The following RHOBTB3 variants were observed in gnomAD, a reference collection of about 807,000 sequenced individuals.
RHOBTB3 encodes the protein rho-related BTB domain-containing protein 3.
RHOBTB3 carries 47 observed loss-of-function variants against 67.2 expected under a neutral mutation model. That is an observed-to-expected ratio of 0.70 (90% CI 0.55 to 0.89). The LOEUF (loss-of-function observed/expected upper bound fraction) is 0.89. RHOBTB3 is among the 40% of genes least tolerant of loss of function. The pLI, the probability that RHOBTB3 is intolerant of heterozygous loss-of-function variation, is 0.00. For missense variants in RHOBTB3, 631 were observed against 750.0 expected (o/e 0.84, Z 1.85); for synonymous variants, 273 against 274.2 (o/e 1.00, Z 0.04).
At chr5:95,788,190 T>A (rs1746277162) in intron 10 of RHOBTB3, among the ~76,000 whole-genome samples, 1 of 152,244 alleles carries the variant, frequency 6.6e-6, no homozygotes, top group Non-Finnish European at 1.5e-5. Context: ...TTCCCTCCAT[T>A]AGCAGCTATT....
intron 2 of RHOBTB3, among the ~76,000 whole-genome samples, chr5:95,734,408 C>T (rs3948565): frequency 6.6e-6 from 1 of 151,960 alleles, no homozygotes; most frequent in Non-Finnish European, 1.5e-5. Context: ...ATTTGATTTT[C>T]TTCATAATTC....
intron 8 of RHOBTB3, chr5:95,768,980 C>G (rs1274390233): frequency 5.1e-6 from 1 of 196,510 alleles, no homozygotes; most frequent in Non-Finnish European, 1.1e-5. Context: ...TGCACAAGCT[C>G]TGCCGCTGCC....
chr5:95,761,079 T>C (rs1476103829), intron 6 of RHOBTB3, among the ~76,000 whole-genome samples: 5 of 152,342 alleles, frequency 3.3e-5, no homozygotes, highest in Admixed American at 2.6e-4. Flanking sequence ...ATTCCATCTA[T>C]TTAGATTATT....
At chr5:95,728,199 T>A, upstream of RHOBTB3, among the ~76,000 whole-genome samples, 1 of 152,218 alleles carries the variant, frequency 6.6e-6, no homozygotes, top group East Asian at 1.9e-4. Flanking sequence ...ACTCAATTTG[T>A]AGCTTAAGTA....
At chr5:95,745,003 G>C (rs146276803) in intron 3 of RHOBTB3, among the ~76,000 whole-genome samples, 8 of 152,144 alleles carry the variant, frequency 5.3e-5, no homozygotes, top group Non-Finnish European at 1.0e-4. Flanking sequence ...CCTGGGGGAG[G>C]CAGAGGTTGA....
At chr5:95,763,301 G>A (rs1745443757) in intron 6 of RHOBTB3, among the ~76,000 whole-genome samples, 1 of 152,176 alleles carries the variant, frequency 6.6e-6, no homozygotes, top group South Asian at 2.1e-4. Context: ...GAAGACTTCA[G>A]ATTTTGAGAA....
chr5:95,756,891 T>G (rs1426327092), intron 6 of RHOBTB3, among the ~76,000 whole-genome samples: 2 of 152,252 alleles, frequency 1.3e-5, no homozygotes, highest in East Asian at 1.9e-4. Flanking sequence ...ATGTGAGAAT[T>G]TATTGTCCAA....
At chr5:95,746,037 G>C (rs1744904613) in intron 3 of RHOBTB3, among the ~76,000 whole-genome samples, 1 of 152,138 alleles carries the variant, frequency 6.6e-6, no homozygotes, top group Admixed American at 6.5e-5. Flanking sequence ...TGGCAACACA[G>C]TTACAGCATA....
chr5:95,721,242 A>C (rs1003364679), intron 1 of RHOBTB3, among the ~76,000 whole-genome samples: 8 of 152,186 alleles, frequency 5.3e-5, no homozygotes, highest in African/African-American at 1.9e-4. Flanking sequence ...GAAGTTTGAA[A>C]AGCTCTGCTT....
At chr5:95,775,253 C>T (rs1319748617) in intron 8 of RHOBTB3, among the ~76,000 whole-genome samples, 1 of 151,892 alleles carries the variant, frequency 6.6e-6, no homozygotes, top group Non-Finnish European at 1.5e-5. Flanking sequence ...CCAAAATGCC[C>T]TAAAATCCAC....
intron 2 of RHOBTB3, among the ~76,000 whole-genome samples, chr5:95,735,688 A>T (rs917231574): frequency 1.3e-5 from 2 of 152,230 alleles, no homozygotes; most frequent in Admixed American, 1.3e-4. Flanking sequence ...CAAATGATTA[A>T]TAGTTAACTA....
rs1319441937 is a variant in RHOBTB3, at chr5:95,731,384, T to G, written c.-299T>G. 2 of 1,164,026 alleles carry G rather than the reference T, an allele frequency of 1.7e-6. No individual in the cohort carries two copies. Among genetic ancestry groups the G allele is most frequent in the Non-Finnish European group, 2.1e-6 (2 of 947,526 alleles). The allele number at this position is 1,164,026 out of a possible 1,614,324, so 72.1% of individuals were successfully genotyped here. On this transcript the variant is annotated 5_prime_UTR_variant, in exon 1 of 12. Coordinates refer to ENST00000379982, the MANE Select transcript of RHOBTB3 (RefSeq NM_014899.4). ...CGAGGAGGCGCGGCGGAGAGGGGAC[T>G]GCGGTCAGCTGCGTCCACTTGGGGC...
intron 9 of RHOBTB3, among the ~76,000 whole-genome samples, chr5:95,781,049 C>T (rs1456504439): frequency 6.6e-6 from 1 of 152,188 alleles, no homozygotes; most frequent in Non-Finnish European, 1.5e-5. Context: ...TATCTTTGAC[C>T]AGGAACCAAA....
intron 1 of RHOBTB3, among the ~76,000 whole-genome samples, chr5:95,721,559 A>G (rs1754877597): frequency 6.6e-6 from 1 of 152,134 alleles, no homozygotes; most frequent in Admixed American, 6.5e-5. Flanking sequence ...GGTAATGATT[A>G]CACAAATGCA....
chr5:95,787,452 T>TA (rs1561457688), intron 10 of RHOBTB3, among the ~76,000 whole-genome samples: 913 of 87,254 alleles, frequency 0.01, 10 homozygotes, highest in African/African-American at 0.054. Flanking sequence ...CTATACAGCT[T>TA]TAAAAAAAAA....
At chr5:95,736,760 C>A in intron 2 of RHOBTB3, 129 bp from the exon 3 acceptor site, 1 of 618,734 alleles carries the variant, frequency 1.6e-6, no homozygotes, top group Non-Finnish European at 2.7e-6. Context: ...GACTGCAACA[C>A]TTTTAATTTC....
Position 95,780,328 on chromosome 5 carries a change from C to T in RHOBTB3, c.1359C>T (p.Tyr453=), listed in dbSNP as rs767418081. Residue 453 remains tyrosine (Y), a synonymous_variant, in exon 9 of 12, where the codon TAC becomes TAT. Coordinates refer to ENST00000379982, the MANE Select transcript of RHOBTB3 (RefSeq NM_014899.4). The part of the protein sequence containing the change: ...EVMAAMFNGN[Y]MEAKSVLIPV... ...TGGCAGCCATGTTTAATGGTAATTACATGGAAGCAAAGAGTGTCCTGATTC... is the reference window on the plus strand; with the variant it reads ...TGGCAGCCATGTTTAATGGTAATTATATGGAAGCAAAGAGTGTCCTGATTC... 1.2e-6 allele frequency: 2 copies of T among 1,613,828 alleles called. No homozygotes were observed. Among genetic ancestry groups the T allele is most frequent in the Admixed American group, 1.7e-5 (1 of 60,008 alleles).
intron 6 of RHOBTB3, among the ~76,000 whole-genome samples, chr5:95,759,916 A>G (rs1188147531): frequency 6.6e-6 from 1 of 151,608 alleles, no homozygotes; most frequent in Non-Finnish European, 1.5e-5. Context: ...CGGGCTAGAG[A>G]GTTATAATAA....
At chr5:95,770,047 A>T in intron 8 of RHOBTB3, 1 of 358,322 alleles carries the variant, frequency 2.8e-6, no homozygotes, top group South Asian at 2.5e-5. Flanking sequence ...GAAAAGTTGG[A>T]GAGGTCATTG....
Sources: allele counts gnomAD v4.1 joint callset (sites outside exome capture counted in the v4.1 genomes callset), GRCh38; gene constraint gnomAD v4.1.1; transcripts MANE v1.5; gene names NCBI Gene and HGNC (gene_info 2026-07-23, HGNC 2026-07-21).